Variants in ZRANB3 observed in about 807,000 individuals in gnomAD.
ZRANB3 encodes the protein zinc finger RANBP2-type containing 3.
ZRANB3 carries 125 observed loss-of-function variants against 133.8 expected under a neutral mutation model. The ratio of observed to expected loss-of-function variants is 0.93; its 90% CI spans 0.81 to 1.08. The LOEUF is 1.08. ZRANB3 is among the 50% of genes least tolerant of loss of function. ZRANB3 has a pLI of 0.00. For synonymous variants in ZRANB3, 387 were observed against 432.7 expected (o/e 0.89, Z 1.31); for missense variants, 1,229 against 1,275.5 (o/e 0.96, Z 0.56).
intron 19 of ZRANB3, among the ~76,000 whole-genome samples, chr2:135,205,889 A>G (rs546347026): frequency 4.6e-5 from 7 of 152,200 alleles, no homozygotes; most frequent in South Asian, 2.1e-4. Flanking sequence ...GTCTTTCAAT[A>G]TTAACATGGA....
intron 2 of ZRANB3, among the ~76,000 whole-genome samples, chr2:135,449,143 A>G (rs1334601224): frequency 1.3e-5 from 2 of 152,198 alleles, no homozygotes; most frequent in East Asian, 1.9e-4. Flanking sequence ...AACTAAAGAG[A>G]TCAAATGAGG....
chr2:135,208,903 G>A lies in ZRANB3; in HGVS notation c.2571C>T (p.Ile857=). 1 of 1,614,022 alleles carries A rather than the reference G, an allele frequency of 6.2e-7. No individual in the cohort carries two copies. The highest frequency in any genetic ancestry group is 8.5e-7 in the Non-Finnish European group (1 of 1,179,882). The change falls in exon 18 of 21, where the codon ATC becomes ATT. Residue 857 remains isoleucine, a synonymous_variant. Coordinates refer to ENST00000264159, the MANE Select transcript of ZRANB3 (RefSeq NM_032143.4). ...GATCCCGTGGCCTGGACTCCTTTGTGATCAGACGGACATGGCCCCCAACAT... is the reference window on the plus strand; with the variant it reads ...GATCCCGTGGCCTGGACTCCTTTGTAATCAGACGGACATGGCCCCCAACAT... ...VKNVGGHVRL[I]TKESRPRDPF... is the part of the protein sequence containing the mutation.
Position 135,479,236 on chromosome 2 carries a change from G to A in ZRANB3, c.161+25093C>T, listed in dbSNP as rs535821533. Among the ~76,000 whole-genome samples, 32 of 152,038 alleles carry A rather than the reference G, an allele frequency of 2.1e-4. No homozygotes were observed. In the South Asian group the frequency reaches 4.1e-3, roughly 20 times the overall value. On this transcript the variant is annotated intron_variant, in intron 2 of 20. Coordinates refer to ENST00000264159, the MANE Select transcript of ZRANB3 (RefSeq NM_032143.4). ...CACCAACGCAACTTAATTTTATTCC[G>A]AAATTCACAGGCTAGAGAATCGTAG... is the stretch of plus-strand genomic sequence containing the variant.
chr2:135,411,303 T>G (rs1364744571), intron 2 of ZRANB3, among the ~76,000 whole-genome samples: 2 of 152,168 alleles, frequency 1.3e-5, no homozygotes, highest in East Asian at 3.9e-4. Flanking sequence ...ACTTATACAC[T>G]GCTGAGGGGG....
chr2:135,366,345 G>T (rs1366263667), intron 3 of ZRANB3, among the ~76,000 whole-genome samples: 1 of 151,904 alleles, frequency 6.6e-6, no homozygotes. Context: ...CTTACCTAAT[G>T]GTTACTAAAT....
intron 2 of ZRANB3, among the ~76,000 whole-genome samples, chr2:135,455,372 G>T (rs1056476795): frequency 6.6e-6 from 1 of 150,876 alleles, no homozygotes; most frequent in African/African-American, 2.4e-5. Context: ...ATTTTTACTA[G>T]AGACGGGGTT....
intron 3 of ZRANB3, 141 bp downstream of exon 3, chr2:135,390,661 T>A: frequency 1.3e-5 from 14 of 1,053,460 alleles, no homozygotes; most frequent in Non-Finnish European, 1.7e-5. Context: ...CCCTCCCTCC[T>A]CACCCTCCCA....
chr2:135,291,841 C>T (rs1012601012), intron 8 of ZRANB3, among the ~76,000 whole-genome samples: 45 of 151,220 alleles, frequency 3.0e-4, no homozygotes, highest in African/African-American at 4.9e-4. Flanking sequence ...TGAGAACATG[C>T]GGTGTTTGGT....
rs1679355331 is a variant in ZRANB3, at chr2:135,250,797, T to C, written c.1539+14737A>G. ...GAAATGACTGGATGCCTAGGCAAGT[T>C]TGCTGCAGGGTTGGGGCCCTCATGG... On this transcript the variant is annotated intron_variant, in intron 12 of 20. Coordinates refer to ENST00000264159, the MANE Select transcript of ZRANB3 (RefSeq NM_032143.4). Among the ~76,000 whole-genome samples the C allele has an allele frequency of 2.0e-5, 3 of 152,328 alleles. No individual in the cohort carries two copies. The East Asian group carries it at 5.8e-4, about 29-fold the overall frequency.
chr2:135,417,208 T>C (rs1243563811), intron 2 of ZRANB3, among the ~76,000 whole-genome samples: 48 of 152,036 alleles, frequency 3.2e-4, no homozygotes, highest in African/African-American at 9.7e-4. Flanking sequence ...TGCAATCTAT[T>C]CATCTGACAA....
chr2:135,379,499 T>C (rs1229967140), intron 3 of ZRANB3, among the ~76,000 whole-genome samples: 1 of 152,206 alleles, frequency 6.6e-6, no homozygotes, highest in South Asian at 2.1e-4. Flanking sequence ...GGTCCCGGCA[T>C]CTTCTAGTTA....
intron 2 of ZRANB3, among the ~76,000 whole-genome samples, chr2:135,483,662 T>C (rs1232627956): frequency 2.0e-5 from 3 of 152,142 alleles, no homozygotes; most frequent in African/African-American, 7.2e-5. Context: ...AGCTTTTGAA[T>C]GTGTTTGCTC....
intron 3 of ZRANB3, among the ~76,000 whole-genome samples, chr2:135,370,382 G>A (rs772166628): frequency 2.6e-5 from 4 of 151,866 alleles, no homozygotes; most frequent in Non-Finnish European, 5.9e-5. Context: ...TTATGCCACT[G>A]CATCCTCATA....
chr2:135,368,559 T>C (rs565966158), intron 3 of ZRANB3, among the ~76,000 whole-genome samples: 42 of 152,044 alleles, frequency 2.8e-4, no homozygotes, highest in African/African-American at 1.0e-3. Context: ...GAATCAATAT[T>C]GAAATAAAAA....
chr2:135,401,859 T>G (rs569730128), intron 2 of ZRANB3, among the ~76,000 whole-genome samples: 4 of 152,254 alleles, frequency 2.6e-5, no homozygotes, highest in African/African-American at 9.6e-5. Context: ...AAAAAGGAAG[T>G]ATAGGATATG....
At chr2:135,417,794 A>G (rs1229608034) in intron 2 of ZRANB3, among the ~76,000 whole-genome samples, 2 of 152,360 alleles carry the variant, frequency 1.3e-5, no homozygotes, top group East Asian at 3.9e-4. Context: ...AAAAGTGATG[A>G]GTTCATGTCC....
intron 8 of ZRANB3, among the ~76,000 whole-genome samples, chr2:135,294,286 C>T (rs1172366565): frequency 3.3e-5 from 5 of 152,112 alleles, no homozygotes; most frequent in Non-Finnish European, 7.4e-5. Context: ...TGTTATTGGT[C>T]TATTCAGGGA....
intron 9 of ZRANB3, 59 bp downstream of exon 9, chr2:135,275,577 G>GT: frequency 7.0e-7 from 1 of 1,427,080 alleles, no homozygotes; most frequent in Non-Finnish European, 9.3e-7. Flanking sequence ...TACAACTGAT[G>GT]TTTAGTATAG....
chr2:135,409,262 C>T (rs1467099377), intron 2 of ZRANB3, among the ~76,000 whole-genome samples: 1 of 152,138 alleles, frequency 6.6e-6, no homozygotes, highest in Non-Finnish European at 1.5e-5. Flanking sequence ...GAATGATCCA[C>T]CCTCATGATC....
Sources: allele counts gnomAD v4.1 joint callset (sites outside exome capture counted in the v4.1 genomes callset), GRCh38; gene constraint gnomAD v4.1.1; transcripts MANE v1.5; gene names NCBI Gene and HGNC (gene_info 2026-07-23, HGNC 2026-07-21).